The following MALRD1 variants were observed in gnomAD, a reference collection of about 807,000 sequenced individuals.
The protein encoded by MALRD1 is MAM and LDL-receptor class A domain-containing protein 1.
A neutral mutation model predicts 242.1 loss-of-function variants in MALRD1; 247 were observed. The ratio of observed to expected loss-of-function variants is 1.02; its 90% CI spans 0.92 to 1.13. The LOEUF is 1.13. MALRD1 is among the 50% of genes most tolerant of loss of function. MALRD1 has a pLI of 0.00. For synonymous variants in MALRD1, 995 were observed against 866.6 expected (o/e 1.15, Z -2.60); for missense variants, 2,989 against 2,533.1 (o/e 1.18, Z -3.86).
At chr10:19,087,774 A>G (rs1835721989) in intron 2 of MALRD1, 66 bp from the exon 3 acceptor site, 8 of 744,388 alleles carry the variant, frequency 1.1e-5, no homozygotes, top group Non-Finnish European at 1.5e-5. Flanking sequence ...CCATTTTGCT[A>G]TCAAATAGTA....
At chr10:19,666,048 G>C (rs1841671152) in intron 36 of MALRD1, among the ~76,000 whole-genome samples, 4 of 152,058 alleles carry the variant, frequency 2.6e-5, no homozygotes, top group Admixed American at 2.6e-4. Context: ...ATCCCTCCTT[G>C]CTTCCCCCAA....
At position 19,123,601 on chromosome 10, in the gene MALRD1, T is replaced by A; in HGVS notation, c.796+8T>A. ...CAGATGAAGAGTTGAGATGTAAGTG[T>A]TAAATTGAGATATTCACTTTTCTGG... is the stretch of plus-strand genomic sequence containing the variant. On this transcript the variant is annotated splice_region_variant and intron_variant, in intron 6 of 39. Transcript: ENST00000454679. 1.6e-6 allele frequency: 2 copies of A among 1,225,686 alleles called. No homozygotes were observed. Among genetic ancestry groups the A allele is most frequent in the Non-Finnish European group, 2.0e-6 (2 of 980,710 alleles). 75.9% of individuals were successfully genotyped at this position (1,225,686 alleles called of 1,614,324 possible).
intron 20 of MALRD1, among the ~76,000 whole-genome samples, chr10:19,281,868 G>C (rs942496206): frequency 1.3e-5 from 2 of 150,866 alleles, no homozygotes; most frequent in African/African-American, 4.9e-5. Flanking sequence ...CAGCTACTTA[G>C]GAGGCTGAAG....
intron 31 of MALRD1, among the ~76,000 whole-genome samples, chr10:19,506,237 T>G (rs1833133681): frequency 1.3e-5 from 2 of 152,200 alleles, no homozygotes; most frequent in Non-Finnish European, 2.9e-5. Context: ...CTTTCATTCA[T>G]GAGTTTAAAT....
chr10:19,084,209 A>G (rs1253329932), intron 2 of MALRD1, among the ~76,000 whole-genome samples: 1 of 152,014 alleles, frequency 6.6e-6, no homozygotes, highest in Non-Finnish European at 1.5e-5. Context: ...GTCAAAACGT[A>G]TGATTCAAAG....
Position 19,506,550 on chromosome 10 carries a change from C to T in MALRD1, c.5320+7904C>T, listed in dbSNP as rs1487839061. On this transcript the variant is annotated intron_variant, in intron 31 of 39. Coordinates refer to ENST00000454679, the MANE Select transcript of MALRD1 (RefSeq NM_001142308.3). ...ACACTTGTGTATCATACAAGTGCAACCATTTTTGTCATGATACTAAAAATA... is the reference window on the plus strand; with the variant it reads ...ACACTTGTGTATCATACAAGTGCAATCATTTTTGTCATGATACTAAAAATA... 2.6e-5 allele frequency among the ~76,000 whole-genome samples: 4 copies of T among 151,902 alleles called. No homozygotes were observed. The East Asian group carries it at 7.7e-4, about 29-fold the overall frequency.
At chr10:19,421,289 G>A (rs1833710674) in intron 28 of MALRD1, among the ~76,000 whole-genome samples, 1 of 152,180 alleles carries the variant, frequency 6.6e-6, no homozygotes, top group Non-Finnish European at 1.5e-5. Flanking sequence ...AACTCTGCCA[G>A]TGACACCAGG....
chr10:19,570,981 T>A (rs1211727470), intron 33 of MALRD1, among the ~76,000 whole-genome samples: 4 of 152,130 alleles, frequency 2.6e-5, no homozygotes, highest in Non-Finnish European at 4.4e-5. Context: ...GTTGTTTTAA[T>A]CTTGCCCTAA....
intron 19 of MALRD1, among the ~76,000 whole-genome samples, chr10:19,266,332 T>C (rs1486893225): frequency 6.6e-6 from 1 of 151,930 alleles, no homozygotes; most frequent in Non-Finnish European, 1.5e-5. Context: ...TGATGATTTT[T>C]CTGTAGTGGT....
intron 36 of MALRD1, among the ~76,000 whole-genome samples, chr10:19,668,678 TA>T (rs1452478361): frequency 8.6e-5 from 13 of 151,838 alleles, no homozygotes; most frequent in African/African-American, 3.1e-4. Flanking sequence ...AAGTAATGAC[TA>T]GAGGAAAAAA....
chr10:19,670,999 C>T (rs1841895125), intron 36 of MALRD1, among the ~76,000 whole-genome samples: 1 of 152,012 alleles, frequency 6.6e-6, no homozygotes, highest in Non-Finnish European at 1.5e-5. Flanking sequence ...CTGCCTCAGC[C>T]TCCCAAGTAG....
chr10:19,562,140 A>G (rs1292572671), intron 32 of MALRD1, among the ~76,000 whole-genome samples: 6 of 152,162 alleles, frequency 3.9e-5, no homozygotes, highest in Admixed American at 2.0e-4. Context: ...TACTAAAAAT[A>G]CAAAAATTAG....
Position 19,730,777 on chromosome 10 carries a change from C to G in MALRD1, c.6386C>G (p.Thr2129Arg). The change falls in exon 39 of 40, where the codon ACA becomes AGA. Residue 2129 changes from threonine to arginine, a missense_variant. Thr to Arg is a moderately conservative substitution (Grantham distance 71). Coordinates refer to ENST00000454679, the MANE Select transcript of MALRD1 (RefSeq NM_001142308.3). Reference protein sequence around the residue: ...VYGNWSNPEKTESSVYSFSNP... With the variant: ...VYGNWSNPEKRESSVYSFSNP... ...GGGAACTGGAGCAACCCAGAGAAAACAGAGGTAAGTGGCAAGGGTGAACTA... is the reference window on the plus strand; with the variant it reads ...GGGAACTGGAGCAACCCAGAGAAAAGAGAGGTAAGTGGCAAGGGTGAACTA... 6.5e-7 allele frequency: 1 copy of G among 1,536,556 alleles called. No homozygotes were observed. Among genetic ancestry groups the G allele is most frequent in the African/African-American group, 1.4e-5 (1 of 73,138 alleles).
At chr10:19,544,388 G>A (rs754805455) in intron 32 of MALRD1, among the ~76,000 whole-genome samples, 7 of 151,686 alleles carry the variant, frequency 4.6e-5, no homozygotes, top group Non-Finnish European at 8.8e-5. Context: ...GGATTTCACC[G>A]TGTTGGCCAG....
intron 21 of MALRD1, among the ~76,000 whole-genome samples, chr10:19,291,774 G>C (rs77278291): frequency 0.017 from 2,522 of 151,004 alleles, 71 homozygotes; most frequent in African/African-American, 0.058. Context: ...TTGCTCTAAG[G>C]TCCTTCCATT....
intron 28 of MALRD1, among the ~76,000 whole-genome samples, chr10:19,405,529 G>GA (rs1374348481): frequency 2.6e-5 from 4 of 152,072 alleles, no homozygotes; most frequent in African/African-American, 4.8e-5. Context: ...TCAATGGGAG[G>GA]AAAACCACAT....
At chr10:19,358,228 G>GTGTGTGTGTGTA (rs1460916701) in intron 26 of MALRD1, among the ~76,000 whole-genome samples, 1 of 151,710 alleles carries the variant, frequency 6.6e-6, no homozygotes, top group Non-Finnish European at 1.5e-5. Context: ...GTGTGTGTGT[G>GTGTGTGTGTGTA]TGTATGAGTT....
chr10:19,095,418 C>G (rs1036479242), intron 4 of MALRD1, among the ~76,000 whole-genome samples: 11 of 152,152 alleles, frequency 7.2e-5, no homozygotes, highest in African/African-American at 2.7e-4. Context: ...GAAACACTAA[C>G]CAGAGACTGA....
rs546436374 is a variant in MALRD1, at chr10:19,440,687, C to G, written c.4846-9620C>G. Among the ~76,000 whole-genome samples, 369 of 152,212 alleles carry G rather than the reference C, an allele frequency of 2.4e-3. 5 individuals carry two copies. The East Asian group carries it at 0.048, about 20-fold the overall frequency. The stretch of plus-strand genomic sequence containing the variant: ...AGGACATGGACTCATCCTTTTTTAT[C>G]ACTGCATAGTATTCCATGGTGTATA... On this transcript the variant is annotated intron_variant, in intron 28 of 39. Coordinates refer to ENST00000454679, the MANE Select transcript of MALRD1 (RefSeq NM_001142308.3).
Sources: gnomAD v4.1 joint callset for allele counts (sites outside exome capture counted in the v4.1 genomes callset) on GRCh38, gnomAD v4.1.1 for gene constraint, MANE v1.5 for transcripts, NCBI Gene and HGNC (gene_info 2026-07-23, HGNC 2026-07-21) for gene names.